The following BMP2K variants were observed in gnomAD, a reference collection of about 807,000 sequenced individuals.
The protein encoded by BMP2K is BMP-2-inducible protein kinase.
In BMP2K, 74 loss-of-function variants were observed where a neutral mutation model predicts 116.0. That is an observed-to-expected ratio of 0.64 (90% CI 0.53 to 0.77). The LOEUF is 0.77. Ranked by LOEUF, BMP2K falls within the 30% of genes least tolerant of loss-of-function variation. The pLI is 0.00. For missense variants in BMP2K, 1,365 were observed against 1,403.6 expected, an observed-to-expected ratio of 0.97 and a Z score of 0.44; for synonymous variants, 486 against 502.5, an observed-to-expected ratio of 0.97 and a Z score of 0.44.
intron 1 of BMP2K, among the ~76,000 whole-genome samples, chr4:78,792,935 G>C (rs1442152157): frequency 6.6e-6 from 1 of 152,066 alleles, no homozygotes; most frequent in East Asian, 1.9e-4. Context: ...CCTGTGTGAG[G>C]CTAAATTATC....
chr4:78,885,503 G>T (rs1225540931), intron 14 of BMP2K, among the ~76,000 whole-genome samples: 1 of 152,174 alleles, frequency 6.6e-6, no homozygotes, highest in Non-Finnish European at 1.5e-5. Flanking sequence ...AGCACTGTTA[G>T]AAGAGATGCT....
intron 8 of BMP2K, among the ~76,000 whole-genome samples, chr4:78,860,409 T>C (rs1333364631): frequency 6.6e-6 from 1 of 151,932 alleles, no homozygotes; most frequent in Non-Finnish European, 1.5e-5. Flanking sequence ...TGACTGACTT[T>C]GAATCTTTTG....
Position 78,915,109 on chromosome 4 carries a change from C to T in BMP2K, c.*3076C>T, listed in dbSNP as rs976730999. ...AATTTAACTGACTAGAACATTTATT[C>T]AGGAGTGTAATTATTTTCCCTTACC... On this transcript the variant is annotated 3_prime_UTR_variant, in exon 16 of 16. Coordinates refer to ENST00000502613, the MANE Select transcript of BMP2K (RefSeq NM_198892.2). The T allele has an allele frequency of 3.3e-5, 5 of 151,922 alleles. No individual in the cohort carries two copies. The highest frequency in any genetic ancestry group is 9.7e-5 in the African/African-American group (4 of 41,396). 9.4% of individuals were successfully genotyped at this position (151,922 alleles called of 1,614,324 possible).
At position 78,914,969 on chromosome 4, in the gene BMP2K, ATGTT is replaced by A. The variant is rs1734919171; in HGVS notation, c.*2937_*2940del. The A allele has an allele frequency of 6.6e-6, 1 of 151,990 alleles. No homozygotes were observed. Among genetic ancestry groups the A allele is most frequent in the Non-Finnish European group, 1.5e-5 (1 of 67,922 alleles). The allele number at this position is 151,990 out of a possible 1,614,324, so 9.4% of individuals were successfully genotyped here. ...CTTATTTTAATATCACGTCAGTAAA[ATGTT>A]AGTATTAAAAAGATCAGCTTTTTAT... On this transcript the variant is annotated 3_prime_UTR_variant, in exon 16 of 16. Coordinates refer to ENST00000502613, the MANE Select transcript of BMP2K (RefSeq NM_198892.2).
chr4:78,780,249 G>A (rs1727441351), intron 1 of BMP2K, among the ~76,000 whole-genome samples: 1 of 152,166 alleles, frequency 6.6e-6, no homozygotes, highest in Non-Finnish European at 1.5e-5. Flanking sequence ...GGAGAGCAGA[G>A]ATAACTTGTT....
rs1389954626 is a variant in BMP2K, at chr4:78,913,057, T to A, written c.*1024T>A. 2 of 152,228 alleles carry A rather than the reference T, an allele frequency of 1.3e-5. No homozygotes were observed. Among genetic ancestry groups the A allele is most frequent in the Admixed American group, 1.3e-4 (2 of 15,282 alleles). The allele number at this position is 152,228 out of a possible 1,614,324, so 9.4% of individuals were successfully genotyped here. On this transcript the variant is annotated 3_prime_UTR_variant, in exon 16 of 16. Transcript: ENST00000502613. ...AAGACATTTACAATGTGAAATCATG[T>A]TGCATTTAACAATGTACTTTATTAG...
intron 7 of BMP2K, among the ~76,000 whole-genome samples, chr4:78,856,746 G>A (rs920937920): frequency 6.6e-6 from 1 of 152,080 alleles, no homozygotes; most frequent in Admixed American, 6.6e-5. Flanking sequence ...GAAGGAGCCT[G>A]TTCCTCTGTT....
At chr4:78,853,302 G>A (rs1441171101) in intron 7 of BMP2K, among the ~76,000 whole-genome samples, 1 of 152,050 alleles carries the variant, frequency 6.6e-6, no homozygotes, top group Non-Finnish European at 1.5e-5. Flanking sequence ...TTTAGGTCAA[G>A]GGTAGTTACC....
intron 1 of BMP2K, among the ~76,000 whole-genome samples, chr4:78,807,123 A>T (rs1728860303): frequency 6.6e-6 from 1 of 152,114 alleles, no homozygotes; most frequent in Non-Finnish European, 1.5e-5. Context: ...AAGTGCTGGG[A>T]TTATAGGTGG....
chr4:78,861,331 A>G, intron 8 of BMP2K, 58 bp from the exon 9 acceptor site: 1 of 1,398,868 alleles, frequency 7.1e-7, no homozygotes, highest in Non-Finnish European at 9.8e-7. Context: ...GCTTACAAAA[A>G]CTTTCTGCAA....
chr4:78,898,700 A>G (rs893870596), intron 15 of BMP2K, among the ~76,000 whole-genome samples: 1 of 151,862 alleles, frequency 6.6e-6, no homozygotes. Flanking sequence ...GTGGTCTGCA[A>G]CAAAATGACT....
intron 14 of BMP2K, among the ~76,000 whole-genome samples, chr4:78,886,917 C>T (rs184540862): frequency 1.2e-4 from 18 of 152,188 alleles, no homozygotes; most frequent in Admixed American, 1.2e-3. Context: ...ATGAATCAGA[C>T]TAAGTTTATT....
At chr4:78,883,216 A>T (rs1732942081) in intron 14 of BMP2K, among the ~76,000 whole-genome samples, 1 of 152,110 alleles carries the variant, frequency 6.6e-6, no homozygotes, top group Admixed American at 6.5e-5. Context: ...CTTTGTTCTA[A>T]TCTAAAGAAA....
At chr4:78,853,777 T>TA (rs1731371355) in intron 7 of BMP2K, among the ~76,000 whole-genome samples, 1 of 152,164 alleles carries the variant, frequency 6.6e-6, no homozygotes, top group Non-Finnish European at 1.5e-5. Context: ...ACCCACCTCT[T>TA]ACGGTTATTG....
intron 1 of BMP2K, among the ~76,000 whole-genome samples, chr4:78,800,699 A>T (rs560478071): frequency 5.3e-4 from 80 of 152,316 alleles, no homozygotes; most frequent in African/African-American, 1.8e-3. Flanking sequence ...AAGCTTGGAG[A>T]TAGAGCTCTT....
At chr4:78,804,896 T>C (rs1728743783) in intron 1 of BMP2K, among the ~76,000 whole-genome samples, 1 of 152,108 alleles carries the variant, frequency 6.6e-6, no homozygotes, top group Non-Finnish European at 1.5e-5. Flanking sequence ...TTCTTGATAG[T>C]GTCTTCAAAA....
chr4:78,844,024 A>G (rs1730882811), intron 4 of BMP2K, among the ~76,000 whole-genome samples: 1 of 151,900 alleles, frequency 6.6e-6, no homozygotes, highest in African/African-American at 2.4e-5. Flanking sequence ...AGTTATAATA[A>G]AACAGTATTT....
chr4:78,870,650 T>A (rs1030491399), intron 10 of BMP2K, 133 bp from the exon 11 acceptor site: 3 of 1,205,916 alleles, frequency 2.5e-6, no homozygotes, highest in Non-Finnish European at 3.4e-6. Context: ...ACTCTATGCA[T>A]ATGGAAGTTT....
chr4:78,879,642 TGTGTGC>T (rs923766588), intron 14 of BMP2K: 1 of 157,184 alleles, frequency 6.4e-6, no homozygotes, highest in African/African-American at 2.4e-5. Flanking sequence ...TGTGTGTGTG[TGTGTGC>T]ACGCGCATGT....
Sources: gnomAD v4.1 joint callset for allele counts (sites outside exome capture counted in the v4.1 genomes callset) on GRCh38, gnomAD v4.1.1 for gene constraint, MANE v1.5 for transcripts, NCBI Gene and HGNC (gene_info 2026-07-23, HGNC 2026-07-21) for gene names.